The following TMEM132E variants were observed in gnomAD, a reference collection of about 807,000 sequenced individuals.
The protein encoded by TMEM132E is transmembrane protein 132E.
In TMEM132E, 49 loss-of-function variants were observed where a neutral mutation model predicts 78.5. The observed-to-expected ratio is 0.62, with a 90% CI of 0.50 to 0.79. The LOEUF is 0.79. Ranked by LOEUF, TMEM132E falls within the 30% of genes least tolerant of loss-of-function variation. TMEM132E has a pLI of 0.00. For synonymous variants in TMEM132E, 715 were observed against 670.6 expected (o/e 1.07, Z -1.02); for missense variants, 1,403 against 1,470.9 (o/e 0.95, Z 0.75).
chr17:34,626,602 C>A lies in TMEM132E; in HGVS notation c.543C>A (p.Arg181=). 6.5e-7 allele frequency: 1 copy of A among 1,530,900 alleles called. No individual in the cohort carries two copies. The highest frequency in any genetic ancestry group is 8.7e-7 in the Non-Finnish European group (1 of 1,144,342). The allele number at this position is 1,530,900 out of a possible 1,614,324, so 94.8% of individuals were successfully genotyped here. A position where few individuals can be genotyped will look rare whatever the true frequency, so the allele number is the denominator to read the frequency against. The change falls in exon 2 of 9, where the codon CGC becomes CGA. Residue 181 remains arginine (R), a synonymous_variant. Transcript: ENST00000631683. ...RDAREVKSSC[R]LSGGLATCLV... is the part of the protein sequence containing the mutation. ...CCCGGGAAGTCAAGAGCTCCTGCCG[C>A]CTCAGCGGGGGCCTGGCCACTTGTC... is the stretch of plus-strand genomic sequence containing the variant.
rs949235660 is a variant in TMEM132E at position 34,626,107 on chromosome 17, T to C, written c.68-20T>C. 16 of 1,487,074 alleles carry C rather than the reference T, an allele frequency of 1.1e-5. No homozygotes were observed. The highest frequency in any genetic ancestry group is 1.4e-5 in the Non-Finnish European group (16 of 1,122,228). 92.1% of individuals were successfully genotyped at this position (1,487,074 alleles called of 1,614,324 possible). A position where few individuals can be genotyped will look rare whatever the true frequency, so the allele number is the denominator to read the frequency against. On this transcript the variant is annotated intron_variant, in intron 1 of 8. Coordinates refer to ENST00000631683, the MANE Select transcript of TMEM132E (RefSeq NM_001304438.2). Reference sequence around the variant, plus strand: ...GCCTCTCCTGACCACCCTGGGCCTCTTTCCTCTGTCTGTCCCCAGCCTCTG... The same window carrying C: ...GCCTCTCCTGACCACCCTGGGCCTCCTTCCTCTGTCTGTCCCCAGCCTCTG...
rs1458628928 is a variant in TMEM132E, at chr17:34,626,817, G to A, written c.758G>A (p.Gly253Glu). ...GGCGGSRRGA[G>E]PGVGARAESP... ...TGCGGGGGCTCCCGCCGGGGGGCCGGGCCCGGGGTGGGGGCCCGAGCGGAA... is the reference window on the plus strand; with the variant it reads ...TGCGGGGGCTCCCGCCGGGGGGCCGAGCCCGGGGTGGGGGCCCGAGCGGAA... The change falls in exon 2 of 9, where the codon GGG (glycine) becomes GAG (glutamate). Residue 253 changes from glycine (G) to glutamate (E), a missense_variant. By Grantham distance (98) the Gly-to-Glu change is moderately conservative (BLOSUM62 -2). Coordinates refer to ENST00000631683, the MANE Select transcript of TMEM132E (RefSeq NM_001304438.2). 2.6e-6 allele frequency: 4 copies of A among 1,538,694 alleles called. No individual in the cohort carries two copies. Among genetic ancestry groups the A allele is most frequent in the Admixed American group, 3.9e-5 (2 of 51,544 alleles).
chr17:34,615,517 A>ATGAGTG (rs1906749814), intron 1 of TMEM132E, among the ~76,000 whole-genome samples: 1 of 140,770 alleles, frequency 7.1e-6, no homozygotes, highest in Admixed American at 7.2e-5. Context: ...ACTGGCACAG[A>ATGAGTG]TGTGTGTGTG....
intron 1 of TMEM132E, among the ~76,000 whole-genome samples, chr17:34,624,394 A>G (rs1206593716): frequency 1.3e-5 from 2 of 152,164 alleles, no homozygotes; most frequent in East Asian, 3.9e-4. Context: ...TTCTTGGCGC[A>G]AGGCCAGGTA....
At chr17:34,625,881 T>C (rs1184911210) in intron 1 of TMEM132E, among the ~76,000 whole-genome samples, 4 of 152,128 alleles carry the variant, frequency 2.6e-5, no homozygotes, top group Admixed American at 2.6e-4. Context: ...CGCAGGTAAA[T>C]AAATGAAGCG....
intron 7 of TMEM132E, 30 bp downstream of exon 7, chr17:34,635,117 G>A (rs764517750): frequency 1.9e-6 from 3 of 1,562,288 alleles, no homozygotes; most frequent in East Asian, 4.7e-5. Flanking sequence ...CAGCACAAAG[G>A]GGCAGTGTCG....
intron 7 of TMEM132E, among the ~76,000 whole-genome samples, chr17:34,635,633 T>G (rs1255346241): frequency 6.6e-6 from 1 of 152,250 alleles, no homozygotes; most frequent in Non-Finnish European, 1.5e-5. Flanking sequence ...AAGCCAGTAT[T>G]GGTGCCTCCT....
chr17:34,585,534 A>T (rs1905641006), intron 1 of TMEM132E, among the ~76,000 whole-genome samples: 1 of 152,182 alleles, frequency 6.6e-6, no homozygotes, highest in Admixed American at 6.5e-5. Context: ...CCTCATGTGG[A>T]TGAGGAAATG....
chr17:34,611,921 G>A (rs182271806), intron 1 of TMEM132E, among the ~76,000 whole-genome samples: 44 of 152,264 alleles, frequency 2.9e-4, no homozygotes, highest in Non-Finnish European at 6.0e-4. Flanking sequence ...GCAGAGAAGG[G>A]AGGTTAGCCT....
intron 5 of TMEM132E, 44 bp downstream of exon 5, chr17:34,630,195 C>A: frequency 6.3e-7 from 1 of 1,586,280 alleles, no homozygotes; most frequent in Non-Finnish European, 8.6e-7. Context: ...AAGCCCTAGG[C>A]CTTCAGGAGA....
intron 1 of TMEM132E, among the ~76,000 whole-genome samples, chr17:34,596,853 C>CAAAA (rs35038070): frequency 1.4e-5 from 1 of 72,360 alleles, no homozygotes; most frequent in Non-Finnish European, 2.7e-5. Context: ...CTAAGTAGCT[C>CAAAA]AAAAAAAAAA....
chr17:34,584,313 C>T (rs922087896), intron 1 of TMEM132E, among the ~76,000 whole-genome samples: 5 of 152,232 alleles, frequency 3.3e-5, no homozygotes. Context: ...TCCAGAAATT[C>T]TTACTTAACC....
Position 34,637,663 on chromosome 17 carries a change from G to C in TMEM132E, c.2656G>C (p.Asp886His). ...GFLQVPRGLT[D>H]LEIGMYALLG... ...CCTGCAGGTGCCACGGGGTCTGACAGACCTGGAGATCGGCATGTACGCGCT... is the reference window on the plus strand; with the variant it reads ...CCTGCAGGTGCCACGGGGTCTGACACACCTGGAGATCGGCATGTACGCGCT... Residue 886 changes from aspartate (D) to histidine (H), a missense_variant, in exon 9 of 9, where the codon GAC (aspartate) becomes CAC (histidine). Asp to His is a moderately conservative substitution (Grantham distance 81). This residue lies in a region of TMEM132E where 888 missense variants were observed against 952.8 expected (regional missense o/e 0.93). Transcript: ENST00000631683. 6.2e-7 allele frequency: 1 copy of C among 1,609,440 alleles called. No individual in the cohort carries two copies. Among genetic ancestry groups the C allele is most frequent in the Non-Finnish European group, 8.5e-7 (1 of 1,179,898 alleles).
chr17:34,581,243 C>T, intron 1 of TMEM132E, 100 bp downstream of exon 1: 2 of 1,097,490 alleles, frequency 1.8e-6, no homozygotes, highest in Non-Finnish European at 2.4e-6. Flanking sequence ...CCCCTGGACT[C>T]GCAGCCGCCA....
rs1732749061 is a variant in TMEM132E, at chr17:34,635,036, G to A, written c.1926G>A (p.Met642Ile). 2 of 1,613,962 alleles carry A rather than the reference G, an allele frequency of 1.2e-6. No homozygotes were observed. The highest frequency in any genetic ancestry group is 1.7e-5 in the Admixed American group (1 of 60,000). The change falls in exon 7 of 9, where the codon ATG (methionine) becomes ATA (isoleucine). Residue 642 changes from methionine to isoleucine, a missense_variant. Transcript: ENST00000631683. ...MRVGDPRVAH[M>I]VDSSTLAGLE... is the part of the protein sequence containing the mutation. ...TGGGCGATCCCCGAGTGGCACACAT[G>A]GTGGACAGCAGCACGCTGGCAGGAC... is the stretch of plus-strand genomic sequence containing the variant.
chr17:34,595,690 G>T (rs1906034247), intron 1 of TMEM132E, among the ~76,000 whole-genome samples: 1 of 152,198 alleles, frequency 6.6e-6, no homozygotes, highest in African/African-American at 2.4e-5. Flanking sequence ...TAAAGCCAGG[G>T]TTAAGACCCG....
intron 1 of TMEM132E, among the ~76,000 whole-genome samples, chr17:34,612,970 A>AG (rs1176724902): frequency 3.9e-5 from 6 of 151,938 alleles, no homozygotes; most frequent in Admixed American, 3.9e-4. Context: ...TCTAAATGTT[A>AG]GGGGGACCCC....
rs949471078 is a variant in TMEM132E, at chr17:34,638,269, A to T, written c.*37A>T. ...GGAGTAGCAGGGACCCCCCCCCCCA[A>T]CGGGGTCAGCTCGGGGTAGGACACA... On this transcript the variant is annotated 3_prime_UTR_variant, in exon 9 of 9. Transcript: ENST00000631683. 7.1e-7 allele frequency: 1 copy of T among 1,409,136 alleles called. No individual in the cohort carries two copies. The allele number at this position is 1,409,136 out of a possible 1,614,324, so 87.3% of individuals were successfully genotyped here.
intron 1 of TMEM132E, among the ~76,000 whole-genome samples, chr17:34,619,321 A>G (rs1319987387): frequency 1.3e-5 from 2 of 151,468 alleles, no homozygotes; most frequent in Non-Finnish European, 2.9e-5. Flanking sequence ...CGCAAGTCAC[A>G]GCCTCTTCAG....
Sources: gnomAD v4.1 joint callset for allele counts (sites outside exome capture counted in the v4.1 genomes callset) on GRCh38, gnomAD v4.1.1 for gene constraint, gnomAD v4.1.1 regional missense constraint, MANE v1.5 for transcripts, NCBI Gene and HGNC (gene_info 2026-07-23, HGNC 2026-07-21) for gene names.